ERICH6B: variants seen among roughly 807,000 people sequenced by gnomAD.
The protein encoded by ERICH6B is glutamate-rich protein 6B.
A neutral mutation model predicts 80.0 loss-of-function variants in ERICH6B; 69 were observed. The observed-to-expected ratio is 0.86, with a 90% CI of 0.71 to 1.05. The LOEUF (loss-of-function observed/expected upper bound fraction) is 1.05. ERICH6B is among the 50% of genes least tolerant of loss of function. The pLI is 0.00. For synonymous variants in ERICH6B, 283 were observed against 291.9 expected (o/e 0.97, Z 0.31); for missense variants, 754 against 796.1 (o/e 0.95, Z 0.64).
In ERICH6B at chr13:45,587,076, G is replaced by A. The variant is rs374691249; in HGVS notation, c.843C>T (p.Tyr281=). Residue 281 remains tyrosine, a synonymous_variant, in exon 5 of 15, where the codon TAC becomes TAT. Transcript: ENST00000298738. ...AGCTTCCCTCACCGGCAGTTCTGTC[G>A]TAGCACCAGTCTGTCTGACTGGCCT... ...RSQASQTDWC[Y]DRTAVKSLKS... is the part of the protein sequence containing the mutation. The A allele has an allele frequency of 9.9e-5, 153 of 1,551,602 alleles. 1 individual carries two copies. Among genetic ancestry groups the A allele is most frequent in the Admixed American group, 8.2e-4 (42 of 51,002 alleles).
chr13:45,590,729 G>A (rs1223135736), intron 3 of ERICH6B, 32 bp from the exon 4 acceptor site: 1 of 1,529,900 alleles, frequency 6.5e-7, no homozygotes, highest in Non-Finnish European at 8.8e-7. Context: ...AAGCAATATT[G>A]GCAAAAAAGC....
chr13:45,592,059 C>T (rs1876178256), intron 3 of ERICH6B, among the ~76,000 whole-genome samples: 1 of 152,160 alleles, frequency 6.6e-6, no homozygotes, highest in Non-Finnish European at 1.5e-5. Context: ...TGTCCTGGCC[C>T]TTCTAATGAT....
At chr13:45,579,640 CA>C (rs1395336279) in intron 7 of ERICH6B, among the ~76,000 whole-genome samples, 2 of 152,318 alleles carry the variant, frequency 1.3e-5, no homozygotes, top group Middle Eastern at 3.4e-3. Context: ...TCCAGGGCCT[CA>C]GGGAATCCAG....
At chr13:45,584,915 C>T (rs769303753) in intron 5 of ERICH6B, among the ~76,000 whole-genome samples, 28 of 152,296 alleles carry the variant, frequency 1.8e-4, no homozygotes, top group Non-Finnish European at 2.6e-4. Flanking sequence ...CCCTCCTGCA[C>T]GGATGGTTTT....
At chr13:45,613,963 G>A (rs568965497) in intron 1 of ERICH6B, among the ~76,000 whole-genome samples, 1 of 152,138 alleles carries the variant, frequency 6.6e-6, no homozygotes, top group Non-Finnish European at 1.5e-5. Flanking sequence ...GGAATTTGCT[G>A]CCAGGGTCTG....
intron 8 of ERICH6B, among the ~76,000 whole-genome samples, chr13:45,570,882 T>C (rs1450651654): frequency 7.4e-6 from 1 of 135,114 alleles, no homozygotes; most frequent in African/African-American, 3.2e-5. Flanking sequence ...AGGTTCCATA[T>C]GGCATTCACT....
intron 7 of ERICH6B, among the ~76,000 whole-genome samples, 195 bp downstream of exon 7, chr13:45,579,738 A>G (rs1875574951): frequency 1.3e-5 from 2 of 151,934 alleles, no homozygotes; most frequent in Admixed American, 1.3e-4. Context: ...TCCTTCAGAG[A>G]CCCTCTCTCT....
intron 2 of ERICH6B, among the ~76,000 whole-genome samples, chr13:45,605,065 C>A (rs980337831): frequency 3.9e-5 from 6 of 152,242 alleles, no homozygotes; most frequent in Middle Eastern, 6.8e-3. Context: ...CCCCTGGAAT[C>A]CCTGAGGCCA....
chr13:45,589,917 C>A (rs934574904), intron 4 of ERICH6B, among the ~76,000 whole-genome samples: 2 of 152,150 alleles, frequency 1.3e-5, no homozygotes, highest in African/African-American at 2.4e-5. Context: ...GCTGCCTCGC[C>A]GGGTCAAGGG....
chr13:45,561,430 C>T lies in ERICH6B; in HGVS notation c.1346G>A (p.Arg449His), dbSNP rs1874671298. ...TAATTTCTTCCTATGATGAACAACACGTTGAGGCTTTTGGATTTCTTCTGT... is the reference window on the plus strand; with the variant it reads ...TAATTTCTTCCTATGATGAACAACATGTTGAGGCTTTTGGATTTCTTCTGT... Reference protein sequence around the residue: ...PETEEIQKPQRVVHHRKKLER... With the variant: ...PETEEIQKPQHVVHHRKKLER... Residue 449 changes from arginine (R) to histidine (H), a missense_variant, in exon 11 of 15, where the codon CGT becomes CAT. Physicochemically the swap from Arg to His is conservative, Grantham distance 29 (BLOSUM62 0). Coordinates refer to ENST00000298738, the MANE Select transcript of ERICH6B (RefSeq NM_182542.3). 5.2e-6 allele frequency: 8 copies of T among 1,552,274 alleles called. No individual in the cohort carries two copies. The highest frequency in any genetic ancestry group is 4.1e-5 in the African/African-American group (3 of 73,160).
At chr13:45,557,082 G>T (rs181019400) in intron 11 of ERICH6B, among the ~76,000 whole-genome samples, 236 of 152,078 alleles carry the variant, frequency 1.6e-3, no homozygotes, top group African/African-American at 5.6e-3. Context: ...TCTGTTCACC[G>T]CATCCACACC....
At chr13:45,555,280 TACCA>T (rs1303803681) in intron 11 of ERICH6B, 1 of 152,182 alleles carries the variant, frequency 6.6e-6, no homozygotes, top group Non-Finnish European at 1.5e-5. Flanking sequence ...CCAACGCCCT[TACCA>T]TTGTCTGCTA....
rs1291911049 is a variant in ERICH6B, at chr13:45,597,013, A to T, written c.-8T>A. 2 of 1,534,920 alleles carry T rather than the reference A, an allele frequency of 1.3e-6. No individual in the cohort carries two copies. The highest frequency in any genetic ancestry group is 2.0e-5 in the Admixed American group (1 of 50,332). On this transcript the variant is annotated 5_prime_UTR_variant, in exon 3 of 15. Transcript: ENST00000298738. ...ATTATTTTCAGCAGACATGCTGGGG[A>T]AGTCGTAGGTGGTGAACTCCTTCTG...
At chr13:45,557,749 G>T (rs999522973) in intron 11 of ERICH6B, among the ~76,000 whole-genome samples, 2 of 152,132 alleles carry the variant, frequency 1.3e-5, no homozygotes, top group East Asian at 3.8e-4. Flanking sequence ...ATAGGTATTT[G>T]GGTTTATTGC....
intron 9 of ERICH6B, among the ~76,000 whole-genome samples, chr13:45,565,113 G>T (rs564185758): frequency 3.9e-5 from 6 of 152,208 alleles, no homozygotes; most frequent in South Asian, 4.1e-4. Flanking sequence ...GTGGGATAAC[G>T]TATAGAGATA....
Position 45,604,899 on chromosome 13 carries a change from G to A in ERICH6B, c.-59+2665C>T, listed in dbSNP as rs542236645. Among the ~76,000 whole-genome samples the A allele has an allele frequency of 2.2e-4, 34 of 152,242 alleles. No homozygotes were observed. In the East Asian group the frequency reaches 5.2e-3, roughly 23 times the overall value. On this transcript the variant is annotated intron_variant, in intron 2 of 14. Transcript: ENST00000298738. Reference sequence around the variant, plus strand: ...TGAGATCAGCCACTGTGCTGGTTTCGAGACCCTGTCTCAAAAGAACAAAAC... The same window carrying A: ...TGAGATCAGCCACTGTGCTGGTTTCAAGACCCTGTCTCAAAAGAACAAAAC...
rs1216742889 is a variant in ERICH6B, at chr13:45,561,482, T to C, written c.1294A>G (p.Ser432Gly). 1 of 1,552,014 alleles carries C rather than the reference T, an allele frequency of 6.4e-7. No individual in the cohort carries two copies. The highest frequency in any genetic ancestry group is 1.2e-5 in the South Asian group (1 of 84,064). The change falls in exon 11 of 15, where the codon AGC (serine) becomes GGC (glycine). Residue 432 changes from serine (S) to glycine (G), a missense_variant. Ser to Gly is a moderately conservative substitution (Grantham distance 56). Transcript: ENST00000298738. Reference protein sequence around the residue: ...EMTSFTFHLMSKPTPEKPETE... With the variant: ...EMTSFTFHLMGKPTPEKPETE... ...TCAGGCTTCTCAGGTGTTGGTTTGC[T>C]CATTAAATGAAATGTGAAACTGGTC...
At chr13:45,571,625 C>G (rs1305021399) in intron 8 of ERICH6B, among the ~76,000 whole-genome samples, 1 of 152,152 alleles carries the variant, frequency 6.6e-6, no homozygotes, top group African/African-American at 2.4e-5. Context: ...TCCCTGCCAC[C>G]CAAATTCATA....
chr13:45,574,334 A>G (rs1875291388), intron 8 of ERICH6B, among the ~76,000 whole-genome samples: 1 of 152,236 alleles, frequency 6.6e-6, no homozygotes, highest in Non-Finnish European at 1.5e-5. Context: ...TGGCATATTT[A>G]CAAAATCATA....
Sources: allele counts gnomAD v4.1 joint callset (sites outside exome capture counted in the v4.1 genomes callset), GRCh38; gene constraint gnomAD v4.1.1; transcripts MANE v1.5; gene names NCBI Gene and HGNC (gene_info 2026-07-23, HGNC 2026-07-21).